Variants in GREB1L observed in about 807,000 individuals in gnomAD.
GREB1L encodes the protein GREB1-like protein.
A neutral mutation model predicts 200.8 loss-of-function variants in GREB1L; 17 were observed. The observed-to-expected ratio is 0.08, with a 90% CI of 0.06 to 0.13. The LOEUF (loss-of-function observed/expected upper bound fraction) is 0.13, where lower values mean the gene tolerates loss of function less well. Ranked by LOEUF, GREB1L falls within the 10% of genes least tolerant of loss-of-function variation. The probability of loss-of-function intolerance (pLI) is 1.00; values close to 1 mark genes in which losing one functional copy is unlikely to be tolerated. For synonymous variants in GREB1L, 789 were observed against 893.0 expected, an observed-to-expected ratio of 0.88 and a Z score of 2.08; for missense variants, 1,657 against 2,367.7, an observed-to-expected ratio of 0.70 and a Z score of 6.23.
intron 1 of GREB1L, among the ~76,000 whole-genome samples, chr18:21,352,625 G>T (rs1479111117): frequency 6.6e-6 from 1 of 151,380 alleles, no homozygotes; most frequent in Non-Finnish European, 1.5e-5. Flanking sequence ...GTAGAGACAG[G>T]GTTTCTCCAT....
chr18:21,505,956 T>TC lies in GREB1L; in HGVS notation c.4368+10dup. On this transcript the variant is annotated splice_region_variant and intron_variant, in intron 25 of 32. Coordinates refer to ENST00000424526, the MANE Select transcript of GREB1L (RefSeq NM_001142966.3). Reference sequence around the variant, plus strand: ...CTTCACCTCTGCCTCCCAGGTACCATCCCACCTTCGCCCTCGCCCTCTGTC... The same window carrying TC: ...CTTCACCTCTGCCTCCCAGGTACCATCCCCACCTTCGCCCTCGCCCTCTGTC... The TC allele has an allele frequency of 6.5e-7, 1 of 1,550,096 alleles. No individual in the cohort carries two copies. Among genetic ancestry groups the TC allele is most frequent in the Non-Finnish European group, 8.7e-7 (1 of 1,145,962 alleles).
intron 1 of GREB1L, among the ~76,000 whole-genome samples, chr18:21,284,608 A>G (rs2038324072): frequency 6.6e-6 from 1 of 152,196 alleles, no homozygotes; most frequent in African/African-American, 2.4e-5. Context: ...TTTGGACTAT[A>G]ATAAATAGTG....
intron 5 of GREB1L, among the ~76,000 whole-genome samples, chr18:21,396,403 A>T (rs2144395281): frequency 6.6e-6 from 1 of 152,284 alleles, no homozygotes; most frequent in African/African-American, 2.4e-5. Context: ...TTTTGACCAG[A>T]CATTTTTAAA....
intron 15 of GREB1L, among the ~76,000 whole-genome samples, chr18:21,460,560 G>A (rs754287381): frequency 1.5e-4 from 23 of 151,886 alleles, no homozygotes; most frequent in African/African-American, 4.8e-4. Context: ...GGCTGGTCTC[G>A]AACTTCTGAC....
At chr18:21,485,530 CA>C (rs2036093300) in intron 17 of GREB1L, 89 bp from the exon 18 acceptor site, 1 of 1,161,578 alleles carries the variant, frequency 8.6e-7, no homozygotes, top group Non-Finnish European at 1.2e-6. Flanking sequence ...TAACCTCTTA[CA>C]GCGGTCATTT....
chr18:21,446,899 G>A (rs1455919143), intron 11 of GREB1L, among the ~76,000 whole-genome samples: 1 of 152,152 alleles, frequency 6.6e-6, no homozygotes, highest in Non-Finnish European at 1.5e-5. Flanking sequence ...TTCACAGTCA[G>A]AAAATCTTTG....
At chr18:21,273,410 C>G (rs1292315234) in intron 1 of GREB1L, among the ~76,000 whole-genome samples, 1 of 151,792 alleles carries the variant, frequency 6.6e-6, no homozygotes, top group Non-Finnish European at 1.5e-5. Flanking sequence ...TTTGAGTGGC[C>G]TTATATTTCA....
chr18:21,456,717 A>C (rs756302262), intron 15 of GREB1L, among the ~76,000 whole-genome samples: 2 of 152,162 alleles, frequency 1.3e-5, no homozygotes, highest in South Asian at 4.1e-4. Context: ...CCTGTAGGTG[A>C]TGAGCTGGAA....
At chr18:21,334,239 G>A (rs973853227) in intron 1 of GREB1L, among the ~76,000 whole-genome samples, 9 of 152,090 alleles carry the variant, frequency 5.9e-5, no homozygotes, top group South Asian at 2.1e-4. Context: ...TAGCCATGAC[G>A]AAGTGAGTGA....
intron 7 of GREB1L, among the ~76,000 whole-genome samples, chr18:21,436,741 C>CT (rs2033570621): frequency 6.7e-6 from 1 of 150,338 alleles, no homozygotes; most frequent in South Asian, 2.1e-4. Flanking sequence ...AACAGGGTAT[C>CT]TCTCTGTCAC....
At position 21,514,954 on chromosome 18, in the gene GREB1L, A is replaced by G. The variant is rs1043048667; in HGVS notation, c.4902-463A>G. ...CGACACAATAAACCCCCAAAATTCA[A>G]TAGCACTCCCATTGCAACACTGTGC... On this transcript the variant is annotated intron_variant, in intron 28 of 32. Transcript: ENST00000424526. Among the ~76,000 whole-genome samples the G allele has an allele frequency of 2.8e-4, 43 of 152,172 alleles. 2 individuals are homozygous for G.
intron 15 of GREB1L, among the ~76,000 whole-genome samples, chr18:21,465,985 T>C (rs1447588038): frequency 2.0e-5 from 3 of 152,168 alleles, no homozygotes; most frequent in Admixed American, 1.3e-4. Flanking sequence ...CCATAATGCC[T>C]TAACTTCTAA....
At chr18:21,344,296 G>A (rs1382213498) in intron 1 of GREB1L, among the ~76,000 whole-genome samples, 1 of 152,160 alleles carries the variant, frequency 6.6e-6, no homozygotes, top group Non-Finnish European at 1.5e-5. Context: ...AGCTATTCGT[G>A]AGGCTGAGGC....
intron 5 of GREB1L, among the ~76,000 whole-genome samples, chr18:21,397,092 G>T (rs2041097299): frequency 6.6e-6 from 1 of 152,132 alleles, no homozygotes; most frequent in East Asian, 1.9e-4. Flanking sequence ...ATCAATAAGT[G>T]AGCCTGCACA....
intron 1 of GREB1L, among the ~76,000 whole-genome samples, chr18:21,359,219 G>T (rs1184191252): frequency 6.6e-6 from 1 of 152,228 alleles, no homozygotes; most frequent in Non-Finnish European, 1.5e-5. Flanking sequence ...ACTTTGGGAG[G>T]CCAAGGCGGA....
At chr18:21,284,892 C>T (rs1307419611) in intron 1 of GREB1L, among the ~76,000 whole-genome samples, 2 of 152,088 alleles carry the variant, frequency 1.3e-5, no homozygotes, top group African/African-American at 4.8e-5. Flanking sequence ...GAAGTAGTAT[C>T]CCATTGTGGG....
intron 15 of GREB1L, among the ~76,000 whole-genome samples, chr18:21,463,198 T>G (rs570193263): frequency 1.8e-3 from 224 of 124,902 alleles, no homozygotes; most frequent in African/African-American, 6.5e-3. Flanking sequence ...CAGGCTGGAG[T>G]GCAGTGGCGT....
intron 1 of GREB1L, among the ~76,000 whole-genome samples, chr18:21,313,331 A>G (rs1055056373): frequency 1.3e-5 from 2 of 152,202 alleles, no homozygotes; most frequent in South Asian, 2.1e-4. Context: ...TTTAACATGT[A>G]TTATACAATA....
intron 7 of GREB1L, among the ~76,000 whole-genome samples, chr18:21,430,291 G>T (rs1367053120): frequency 1.3e-5 from 2 of 151,166 alleles, no homozygotes; most frequent in Non-Finnish European, 2.9e-5. Context: ...TTTCTTTAAG[G>T]TTGCCAGTGA....
Sources: allele counts gnomAD v4.1 joint callset (sites outside exome capture counted in the v4.1 genomes callset), GRCh38; gene constraint gnomAD v4.1.1; transcripts MANE v1.5; gene names NCBI Gene and HGNC (gene_info 2026-07-23, HGNC 2026-07-21).